PARN: variants seen among roughly 807,000 people sequenced by gnomAD.
PARN encodes the protein poly(A)-specific ribonuclease.
PARN carries 71 observed loss-of-function variants against 102.8 expected under a neutral mutation model. That is an observed-to-expected ratio of 0.69 (90% CI 0.57 to 0.84). PARN has a LOEUF of 0.84. PARN is among the 40% of genes least tolerant of loss of function. The probability of loss-of-function intolerance (pLI) is 0.00; values close to 1 mark genes in which losing one functional copy is unlikely to be tolerated. For missense variants in PARN, 782 were observed against 760.9 expected (o/e 1.03, Z -0.33); for synonymous variants, 261 against 252.9 (o/e 1.03, Z -0.30).
intron 18 of PARN, among the ~76,000 whole-genome samples, chr16:14,566,333 GA>G (rs1567392797): frequency 6.6e-6 from 1 of 152,218 alleles, no homozygotes; most frequent in East Asian, 1.9e-4. Context: ...CACAGAGGAG[GA>G]GGAGGCAATG....
At chr16:14,497,469 T>A (rs745672529) in intron 21 of PARN, among the ~76,000 whole-genome samples, 5 of 152,196 alleles carry the variant, frequency 3.3e-5, no homozygotes, top group Non-Finnish European at 7.3e-5. Context: ...GGTACAAATA[T>A]ATACCTAATA....
At chr16:14,620,817 C>T (rs1972249730) in intron 5 of PARN, among the ~76,000 whole-genome samples, 2 of 152,182 alleles carry the variant, frequency 1.3e-5, no homozygotes, top group Non-Finnish European at 2.9e-5. Flanking sequence ...TCCCTCTTTT[C>T]TTTGCTACTA....
chr16:14,482,394 A>G (rs1963430878), intron 22 of PARN, among the ~76,000 whole-genome samples: 2 of 151,962 alleles, frequency 1.3e-5, no homozygotes, highest in African/African-American at 4.8e-5. Context: ...CCTGTCTCAA[A>G]AAAAAAAAAA....
intron 22 of PARN, among the ~76,000 whole-genome samples, chr16:14,473,033 A>C (rs567162151): frequency 6.6e-6 from 1 of 152,242 alleles, no homozygotes; most frequent in Non-Finnish European, 1.5e-5. Context: ...AATCAAAGTG[A>C]GAAGAGGGCA....
At chr16:14,492,607 T>A (rs900396060) in intron 21 of PARN, among the ~76,000 whole-genome samples, 2 of 152,284 alleles carry the variant, frequency 1.3e-5, no homozygotes, top group Non-Finnish European at 2.9e-5. Flanking sequence ...TACCTCCCCA[T>A]CCTTCCCCTC....
intron 21 of PARN, among the ~76,000 whole-genome samples, chr16:14,516,621 A>T (rs1965471686): frequency 6.6e-6 from 1 of 152,212 alleles, no homozygotes. Flanking sequence ...TTCATATATA[A>T]TTTTACACCT....
chr16:14,459,009 C>T (rs915747845), intron 22 of PARN, among the ~76,000 whole-genome samples: 1 of 151,554 alleles, frequency 6.6e-6, no homozygotes, highest in African/African-American at 2.4e-5. Flanking sequence ...ATCCCCCAAG[C>T]TGAAAATCAG....
At chr16:14,593,490 CT>C (rs373745930) in intron 12 of PARN, 112 bp from the exon 13 acceptor site, 820 of 32,598 alleles carry the variant, frequency 0.025, 25 homozygotes, top group African/African-American at 0.048. Context: ...GCTTTCCAGA[CT>C]TAAAAAAAAA....
intron 21 of PARN, among the ~76,000 whole-genome samples, chr16:14,494,099 G>C (rs1964190575): frequency 6.6e-6 from 1 of 152,056 alleles, no homozygotes; most frequent in South Asian, 2.1e-4. Flanking sequence ...CTACACGGAG[G>C]GCCTCTCATA....
chr16:14,521,971 G>A (rs901455415), intron 21 of PARN, among the ~76,000 whole-genome samples: 6 of 152,160 alleles, frequency 3.9e-5, no homozygotes, highest in African/African-American at 1.4e-4. Flanking sequence ...GTAACATGCT[G>A]TACAGGTGTG....
intron 18 of PARN, among the ~76,000 whole-genome samples, 171 bp from the exon 19 acceptor site, chr16:14,555,880 T>G (rs889167965): frequency 2.6e-5 from 4 of 152,162 alleles, no homozygotes; most frequent in African/African-American, 4.8e-5. Flanking sequence ...TATTTATTTT[T>G]TTTTAGATGG....
chr16:14,484,315 T>C (rs1228726041), intron 21 of PARN, among the ~76,000 whole-genome samples: 1 of 152,194 alleles, frequency 6.6e-6, no homozygotes, highest in Non-Finnish European at 1.5e-5. Context: ...TGAGGATCAA[T>C]GGTGGCCTCT....
At chr16:14,606,160 G>A (rs991060038) in intron 10 of PARN, among the ~76,000 whole-genome samples, 4 of 152,116 alleles carry the variant, frequency 2.6e-5, no homozygotes, top group African/African-American at 4.8e-5. Flanking sequence ...AGCACTCTGC[G>A]AGGCCGAGGC....
At chr16:14,543,704 A>C (rs1966855118) in intron 21 of PARN, among the ~76,000 whole-genome samples, 2 of 152,250 alleles carry the variant, frequency 1.3e-5, no homozygotes, top group South Asian at 4.1e-4. Context: ...AAAAGCCAGC[A>C]GAGAAATTAA....
At chr16:14,486,491 T>C (rs1191481241) in intron 21 of PARN, among the ~76,000 whole-genome samples, 2 of 152,244 alleles carry the variant, frequency 1.3e-5, no homozygotes, top group Non-Finnish European at 2.9e-5. Flanking sequence ...TTAATCTATT[T>C]AATGATATCT....
chr16:14,464,305 A>G (rs1270214408), intron 22 of PARN, among the ~76,000 whole-genome samples: 2 of 152,240 alleles, frequency 1.3e-5, no homozygotes, highest in East Asian at 3.8e-4. Context: ...GCCACAGAGA[A>G]AGTTGTATTA....
chr16:14,456,076 T>C (rs928304470), intron 22 of PARN, among the ~76,000 whole-genome samples: 1 of 152,182 alleles, frequency 6.6e-6, no homozygotes, highest in South Asian at 2.1e-4. Context: ...ACATATGTGG[T>C]TGTATTCTTG....
At chr16:14,537,341 G>A (rs1040633026) in intron 21 of PARN, among the ~76,000 whole-genome samples, 1 of 152,144 alleles carries the variant, frequency 6.6e-6, no homozygotes, top group Non-Finnish European at 1.5e-5. Context: ...ACTGTTGGTG[G>A]GATGGAAAAT....
chr16:14,464,169 A>AT (rs1377309869), intron 22 of PARN, among the ~76,000 whole-genome samples: 1 of 152,112 alleles, frequency 6.6e-6, no homozygotes, highest in Non-Finnish European at 1.5e-5. Context: ...GATGAAAGCT[A>AT]TAAATCCAGA....
Sources: allele counts gnomAD v4.1 joint callset (sites outside exome capture counted in the v4.1 genomes callset), GRCh38; gene constraint gnomAD v4.1.1; transcripts MANE v1.5; gene names NCBI Gene and HGNC (gene_info 2026-07-23, HGNC 2026-07-21).